The following SYNE1 variants were observed in gnomAD, a reference collection of about 807,000 sequenced individuals.
SYNE1 encodes nesprin-1.
A neutral mutation model predicts 1,111.0 loss-of-function variants in SYNE1; 616 were observed. That is an observed-to-expected ratio of 0.55 (90% CI 0.52 to 0.59). The LOEUF (loss-of-function observed/expected upper bound fraction) is 0.59, where lower values mean the gene tolerates loss of function less well. SYNE1 is among the 20% of genes least tolerant of loss of function. SYNE1 has a pLI of 0.00. For synonymous variants in SYNE1, 3,855 were observed against 3,825.8 expected, an observed-to-expected ratio of 1.01 and a Z score of -0.28; for missense variants, 10,006 against 10,417.0, an observed-to-expected ratio of 0.96 and a Z score of 1.72.
intron 96 of SYNE1, among the ~76,000 whole-genome samples, chr6:152,283,343 T>C (rs1261189963): frequency 1.3e-5 from 2 of 152,214 alleles, no homozygotes; most frequent in African/African-American, 4.8e-5. Context: ...TCAAATGCTG[T>C]CGTGTAAACA....
rs942550749 is a variant in SYNE1 at position 152,455,885 on chromosome 6, C to T, written c.2727+1G>A. The T allele has an allele frequency of 6.2e-7, 1 of 1,614,006 alleles. No homozygotes were observed. Among genetic ancestry groups the T allele is most frequent in the Non-Finnish European group, 8.5e-7 (1 of 1,179,954 alleles). Reference sequence around the variant, plus strand: ...GCTCTAAAGCAGGGAGAGCAAATTACCTGAAAAGCAACATGAATATCTGCA... The same window carrying T: ...GCTCTAAAGCAGGGAGAGCAAATTATCTGAAAAGCAACATGAATATCTGCA... On this transcript the variant is annotated splice_donor_variant, in intron 23 of 145. Coordinates refer to ENST00000367255, the MANE Select transcript of SYNE1 (RefSeq NM_182961.4). LOFTEE classifies it high-confidence loss of function.
rs79539562 is a variant in SYNE1, at chr6:152,216,664, G to C, written c.22191+1593C>G. The stretch of plus-strand genomic sequence containing the variant: ...AGAAGCCACATGGTCTTTTCCCTAA[G>C]AGCAGTGGGAAACCTTGAGAGCTTT... On this transcript the variant is annotated intron_variant, in intron 121 of 145. Coordinates refer to ENST00000367255, the MANE Select transcript of SYNE1 (RefSeq NM_182961.4). Among the ~76,000 whole-genome samples the C allele has an allele frequency of 4.2e-3, 641 of 152,256 alleles. 5 individuals are homozygous for C. Among genetic ancestry groups the C allele is most frequent in the African/African-American group, 0.015 (618 of 41,542 alleles).
At chr6:152,338,093 A>G (rs572587068) in intron 75 of SYNE1, among the ~76,000 whole-genome samples, 1 of 151,872 alleles carries the variant, frequency 6.6e-6, no homozygotes, top group Non-Finnish European at 1.5e-5. Context: ...GGTTGCAGTG[A>G]GCCAAAATTG....
chr6:152,579,567 A>C (rs1303481527), intron 3 of SYNE1, among the ~76,000 whole-genome samples: 1 of 152,036 alleles, frequency 6.6e-6, no homozygotes, highest in Non-Finnish European at 1.5e-5. Flanking sequence ...GGTTTGTTAC[A>C]TGGGTAAATT....
At chr6:152,234,949 T>C in intron 110 of SYNE1, 149 bp from the exon 111 acceptor site, 1 of 890,042 alleles carries the variant, frequency 1.1e-6, no homozygotes, top group South Asian at 1.5e-5. Flanking sequence ...GAAATTTTCT[T>C]CATATTGATA....
Position 152,255,708 on chromosome 6 carries a change from C to G in SYNE1, c.19143G>C (p.Gln6381His). Residue 6381 changes from glutamine (Q) to histidine (H), a missense_variant, in exon 103 of 146, where the codon CAG (glutamine) becomes CAC (histidine). Transcript: ENST00000367255. ...TGGCTGAGACTCCATCATACAACTT[C>G]TGCTCCAAGTGTATACTCTGCCTCT... Reference protein sequence around the residue: ...GAKRQSIHLEQKLYDGVSATS... With the variant: ...GAKRQSIHLEHKLYDGVSATS... 6.2e-7 allele frequency: 1 copy of G among 1,614,216 alleles called. No individual in the cohort carries two copies. Among genetic ancestry groups the G allele is most frequent in the Non-Finnish European group, 8.5e-7 (1 of 1,180,046 alleles).
rs375984830 is a variant in SYNE1 at position 152,449,626 on chromosome 6, T to C, written c.3411A>G (p.Ser1137=). The C allele has an allele frequency of 1.9e-6, 3 of 1,613,288 alleles. No individual in the cohort carries two copies. Among genetic ancestry groups the C allele is most frequent in the Non-Finnish European group, 2.5e-6 (3 of 1,179,232 alleles). ...GTGTCTCATTTGTAGATATCCAAGATGAGAACTCAGAGAATCTGAAATAAC... is the reference window on the plus strand; with the variant it reads ...GTGTCTCATTTGTAGATATCCAAGACGAGAACTCAGAGAATCTGAAATAAC... The part of the protein sequence containing the change: ...KDYTSRFSEF[S]SWISTNETQL... Residue 1137 remains serine, a synonymous_variant, in exon 28 of 146, where the codon TCA becomes TCG. Transcript: ENST00000367255.
intron 126 of SYNE1, among the ~76,000 whole-genome samples, chr6:152,204,660 C>T (rs1273462616): frequency 6.6e-6 from 1 of 152,108 alleles, no homozygotes; most frequent in Non-Finnish European, 1.5e-5. Context: ...TAAACTTTAA[C>T]AAGAACAGAA....
intron 10 of SYNE1, among the ~76,000 whole-genome samples, chr6:152,501,763 G>A (rs1220721087): frequency 3.3e-5 from 5 of 150,582 alleles, no homozygotes; most frequent in Admixed American, 6.6e-5. Flanking sequence ...AAAGAATCTC[G>A]GAACAATGTT....
At position 152,130,745 on chromosome 6, in the gene SYNE1, G is replaced by A. The variant is rs1277868517; in HGVS notation, c.26128C>T (p.Pro8710Ser). The change falls in exon 145 of 146, where the codon CCC becomes TCC. Residue 8710 changes from proline to serine, a missense_variant. Physicochemically the swap from Pro to Ser is moderately conservative, Grantham distance 74 (BLOSUM62 -1). This residue lies in a region of SYNE1 where 761 missense variants were observed against 795.5 expected (regional missense o/e 0.96). Transcript: ENST00000367255. ...RGKCSLSQPG[P>S]SVSSPHSRST... ...CTGCTATGTGGACTGCTGACAGAGG[G>A]TCCAGGCTGTGAGAGACTACACTTG... 1 of 1,614,042 alleles carries A rather than the reference G, an allele frequency of 6.2e-7. No homozygotes were observed. The highest frequency in any genetic ancestry group is 8.5e-7 in the Non-Finnish European group (1 of 1,180,040).
At chr6:152,518,053 T>C (rs2099121074) in intron 6 of SYNE1, among the ~76,000 whole-genome samples, 1 of 151,762 alleles carries the variant, frequency 6.6e-6, no homozygotes, top group Admixed American at 6.6e-5. Flanking sequence ...GATAATGACA[T>C]AATCCCACTG....
At chr6:152,459,629 T>A (rs2154262726) in intron 21 of SYNE1, among the ~76,000 whole-genome samples, 1 of 152,286 alleles carries the variant, frequency 6.6e-6, no homozygotes, top group African/African-American at 2.4e-5. Flanking sequence ...TGCATTGTCT[T>A]AAAGATGAGG....
intron 25 of SYNE1, chr6:152,453,367 A>C (rs1470017811): frequency 7.5e-6 from 5 of 668,536 alleles, no homozygotes; most frequent in African/African-American, 7.3e-5. Context: ...ATGCTCGAGT[A>C]ATAGGATAAA....
At chr6:152,187,481 G>A (rs1452926297) in intron 128 of SYNE1, among the ~76,000 whole-genome samples, 1 of 152,060 alleles carries the variant, frequency 6.6e-6, no homozygotes, top group Non-Finnish European at 1.5e-5. Context: ...CATAAGAGTA[G>A]GGACATAAGA....
intron 3 of SYNE1, among the ~76,000 whole-genome samples, chr6:152,582,548 T>C (rs999538587): frequency 6.6e-6 from 1 of 151,700 alleles, no homozygotes; most frequent in Non-Finnish European, 1.5e-5. Flanking sequence ...TTACCAGTGC[T>C]CAAAACTTTT....
At chr6:152,351,101 G>C (rs756221471) in intron 70 of SYNE1, among the ~76,000 whole-genome samples, 5 of 152,084 alleles carry the variant, frequency 3.3e-5, no homozygotes, top group African/African-American at 1.2e-4. Context: ...ACATAAAAAG[G>C]CCACTATCTT....
At position 152,455,782 on chromosome 6, in the gene SYNE1, G is replaced by T. The variant is rs994034519; in HGVS notation, c.2727+104C>A. The stretch of plus-strand genomic sequence containing the variant: ...GACAATGATTGGCTTCCAAACACCA[G>T]CAGGTAAGGCGTTTTAGCAAGACCA... On this transcript the variant is annotated intron_variant, in intron 23 of 145. Transcript: ENST00000367255. The T allele has an allele frequency of 8.0e-6, 12 of 1,502,722 alleles. No individual in the cohort carries two copies. The African/African-American group carries it at 1.7e-4, about 21-fold the overall frequency. The allele number at this position is 1,502,722 out of a possible 1,614,324, so 93.1% of individuals were successfully genotyped here.
At chr6:152,519,949 C>T (rs2099130739) in intron 6 of SYNE1, among the ~76,000 whole-genome samples, 1 of 152,100 alleles carries the variant, frequency 6.6e-6, no homozygotes, top group Admixed American at 6.5e-5. Flanking sequence ...CTAAACTCAA[C>T]CTAATCACGA....
chr6:152,177,557 T>C (rs184702655), intron 129 of SYNE1, among the ~76,000 whole-genome samples: 112 of 152,340 alleles, frequency 7.4e-4, no homozygotes, highest in Non-Finnish European at 1.4e-3. Flanking sequence ...GTCATTTACC[T>C]AAGCCAAAGG....
Sources: gnomAD v4.1 joint callset for allele counts (sites outside exome capture counted in the v4.1 genomes callset) on GRCh38, gnomAD v4.1.1 for gene constraint, gnomAD v4.1.1 regional missense constraint, MANE v1.5 for transcripts, NCBI Gene and HGNC (gene_info 2026-07-23, HGNC 2026-07-21) for gene names.